Variants in NOVA2 observed in about 807,000 individuals in gnomAD.
The protein encoded by NOVA2 is NOVA alternative splicing regulator 2, also known as RNA-binding protein Nova-2.
Under a neutral mutation model 22.5 loss-of-function variants are expected in NOVA2, and 9 were observed. That is an observed-to-expected ratio of 0.40 (90% CI 0.24 to 0.70). NOVA2 has a LOEUF of 0.70. Among genes scored for constraint, NOVA2 ranks in the 30% least tolerant of loss-of-function variants. The pLI is 0.38. For missense variants in NOVA2, 383 were observed against 682.8 expected, an observed-to-expected ratio of 0.56 and a Z score of 4.89; for synonymous variants, 318 against 335.2, an observed-to-expected ratio of 0.95 and a Z score of 0.56.
rs924140758 is a variant in NOVA2 at position 45,935,863 on chromosome 19, G to A, written c.*4000C>T. 4.6e-5 allele frequency: 7 copies of A among 152,210 alleles called. No homozygotes were observed. Among genetic ancestry groups the A allele is most frequent in the African/African-American group, 1.7e-4 (7 of 41,440 alleles). 9.4% of individuals were successfully genotyped at this position (152,210 alleles called of 1,614,324 possible). On this transcript the variant is annotated 3_prime_UTR_variant, in exon 4 of 4. Coordinates refer to ENST00000263257, the MANE Select transcript of NOVA2 (RefSeq NM_002516.4). ...GAGGGGAGAGGAAATACACCTCGGA[G>A]ATAAGCGACACCCTGGTGTTCCAAG...
chr19:45,973,210 G>T, intron 1 of NOVA2, 57 bp downstream of exon 1: 1 of 992,444 alleles, frequency 1.0e-6, no homozygotes, highest in Non-Finnish European at 1.4e-6. Context: ...GGGAAAGGAT[G>T]GAGAAAGGCG....
At position 45,941,465 on chromosome 19, in the gene NOVA2, C is replaced by T. The variant is rs921505411; in HGVS notation, c.397-520G>A. On this transcript the variant is annotated intron_variant, in intron 3 of 3. Coordinates refer to ENST00000263257, the MANE Select transcript of NOVA2 (RefSeq NM_002516.4). ...TTACAGATTTGAGCCACCAAACTGGCGAAGGGAGGGTCTTTACGGTGGCTG... is the reference window on the plus strand; with the variant it reads ...TTACAGATTTGAGCCACCAAACTGGTGAAGGGAGGGTCTTTACGGTGGCTG... 5.9e-5 allele frequency among the ~76,000 whole-genome samples: 9 copies of T among 151,942 alleles called. No individual in the cohort carries two copies. In the South Asian group the frequency reaches 6.2e-4, roughly 11 times the overall value.
chr19:45,964,796 A>G (rs1396524823), intron 1 of NOVA2, among the ~76,000 whole-genome samples: 1 of 152,070 alleles, frequency 6.6e-6, no homozygotes, highest in Non-Finnish European at 1.5e-5. Context: ...CCTGAGCTCA[A>G]GGGATCCAAC....
Position 45,973,371 on chromosome 19 carries a change from G to T in NOVA2, c.-20C>A. 5 of 889,360 alleles carry T rather than the reference G, an allele frequency of 5.6e-6. No homozygotes were observed. Among genetic ancestry groups the T allele is most frequent in the Non-Finnish European group, 7.3e-6 (5 of 685,878 alleles). 55.1% of individuals were successfully genotyped at this position (889,360 alleles called of 1,614,324 possible). A position where few individuals can be genotyped will look rare whatever the true frequency, so the allele number is the denominator to read the frequency against. ...CTCCATGGGGGGGGCCTGGGGCGGC[G>T]GCTGCTGCTGCTGCGGCGGCTGCGG... On this transcript the variant is annotated 5_prime_UTR_variant, in exon 1 of 4. Transcript: ENST00000263257.
intron 2 of NOVA2, among the ~76,000 whole-genome samples, chr19:45,955,836 G>A (rs936902043): frequency 6.6e-5 from 10 of 151,784 alleles, no homozygotes; most frequent in African/African-American, 1.5e-4. Context: ...CCAGCCTGGC[G>A]GCAGAGCGGG....
chr19:45,953,657 TTGAC>T lies in NOVA2; in HGVS notation c.396+119_396+122del, dbSNP rs1467046655. On this transcript the variant is annotated intron_variant, in intron 3 of 3. Transcript: ENST00000263257. ...AATACTAACCACTACCATGTGGTCT[TTGAC>T]TGATGAGATTTTTATCAGCTTTGTC... 4.6e-5 allele frequency: 57 copies of T among 1,233,156 alleles called. No homozygotes were observed. The African/African-American group carries it at 4.8e-4, about 10-fold the overall frequency. 76.4% of individuals were successfully genotyped at this position (1,233,156 alleles called of 1,614,324 possible).
At position 45,958,374 on chromosome 19, in the gene NOVA2, A is replaced by T. The variant is rs200361478; in HGVS notation, c.229+2636T>A. On this transcript the variant is annotated intron_variant, in intron 2 of 3. Coordinates refer to ENST00000263257, the MANE Select transcript of NOVA2 (RefSeq NM_002516.4). Reference sequence around the variant, plus strand: ...AGTGCTGTGTGTGTGTGTGTGTGTGAGAGTGTGTGTGTGTGGGAGCATGTG... The same window carrying T: ...AGTGCTGTGTGTGTGTGTGTGTGTGTGAGTGTGTGTGTGTGGGAGCATGTG... Among the ~76,000 whole-genome samples the T allele has an allele frequency of 1.3e-3, 188 of 140,314 alleles. 1 individual carries two copies. The highest frequency in any genetic ancestry group is 0.012 in the East Asian group (59 of 4,750). 92.1% of individuals were successfully genotyped at this position (140,314 alleles called of 152,430 possible). A position where few individuals can be genotyped will look rare whatever the true frequency, so the allele number is the denominator to read the frequency against.
At chr19:45,966,772 G>A (rs1968173154) in intron 1 of NOVA2, among the ~76,000 whole-genome samples, 1 of 152,194 alleles carries the variant, frequency 6.6e-6, no homozygotes, top group African/African-American at 2.4e-5. Context: ...AGCTACTTGG[G>A]AGGCTGAAGC....
At position 45,940,358 on chromosome 19, in the gene NOVA2, T is replaced by C; in HGVS notation, c.984A>G (p.Ala328=). 1 of 1,378,528 alleles carries C rather than the reference T, an allele frequency of 7.3e-7. No homozygotes were observed. Among genetic ancestry groups the C allele is most frequent in the South Asian group, 1.4e-5 (1 of 69,522 alleles). 85.4% of individuals were successfully genotyped at this position (1,378,528 alleles called of 1,614,324 possible). A position where few individuals can be genotyped will look rare whatever the true frequency, so the allele number is the denominator to read the frequency against. Residue 328 remains alanine (A), a synonymous_variant, in exon 4 of 4, where the codon GCA becomes GCG. Transcript: ENST00000263257. ...PAAAAAANLL[A]SYAGEAGAGP... ...CGGCCCCGGCCTCGCCCGCGTAGGA[T>C]GCCAGGAGGTTGGCGGCGGCGGCGG...
In NOVA2 at chr19:45,939,638, A is replaced by C; in HGVS notation, c.*225T>G. ...AGCCAAGCACAGGGAGGGAGGAAGG[A>C]GGGGTCAGTTCCGGGCTGGGGAGGG... On this transcript the variant is annotated 3_prime_UTR_variant, in exon 4 of 4. Coordinates refer to ENST00000263257, the MANE Select transcript of NOVA2 (RefSeq NM_002516.4). The C allele has an allele frequency of 8.7e-6, 5 of 574,252 alleles. No individual in the cohort carries two copies. In the South Asian group the frequency reaches 1.1e-4, roughly 13 times the overall value. The allele number at this position is 574,252 out of a possible 1,614,324, so 35.6% of individuals were successfully genotyped here.
At chr19:45,942,825 G>C (rs1015215364) in intron 3 of NOVA2, among the ~76,000 whole-genome samples, 5 of 151,830 alleles carry the variant, frequency 3.3e-5, no homozygotes, top group African/African-American at 4.8e-5. Context: ...ATGTCCTTTT[G>C]CACCTCCGAG....
intron 3 of NOVA2, among the ~76,000 whole-genome samples, chr19:45,944,910 T>A (rs555918131): frequency 6.6e-6 from 1 of 152,286 alleles, no homozygotes; most frequent in Admixed American, 6.5e-5. Context: ...ATGTCCAGAA[T>A]AGGCAAATCT....
Position 45,940,266 on chromosome 19 carries a change from G to C in NOVA2, c.1076C>G (p.Ala359Gly). The C allele has an allele frequency of 9.1e-7, 1 of 1,099,110 alleles. No homozygotes were observed. The allele number at this position is 1,099,110 out of a possible 1,614,324, so 68.1% of individuals were successfully genotyped here. A position where few individuals can be genotyped will look rare whatever the true frequency, so the allele number is the denominator to read the frequency against. The stretch of plus-strand genomic sequence containing the variant: ...CCCGAGGTAGCCGTTGGCGGCTGCG[G>C]CCAACGCAAAGGACCCCAGGGCTCC... The part of the protein sequence containing the change: ...PPGALGSFAL[A>G]AAANGYLGAG... Residue 359 changes from alanine to glycine, a missense_variant, in exon 4 of 4, where the codon GCC (alanine) becomes GGC (glycine). By Grantham distance (60) the Ala-to-Gly change is moderately conservative. Around this residue, in one of 2 missense-constraint regions of NOVA2, gnomAD observed 349 missense variants for 578.1 expected, o/e 0.60. Transcript: ENST00000263257.
intron 3 of NOVA2, 77 bp downstream of exon 3, chr19:45,953,703 T>C: frequency 6.5e-7 from 1 of 1,528,332 alleles, no homozygotes; most frequent in Admixed American, 1.7e-5. Context: ...AACCTCACAG[T>C]AAGCAGTGAT....
rs137924850 is a variant in NOVA2 at position 45,935,305 on chromosome 19, T to G, written c.*4558A>C. On this transcript the variant is annotated 3_prime_UTR_variant, in exon 4 of 4. Transcript: ENST00000263257. ...CCACCCAGCAATCTCCAATGCAACT[T>G]GCAGGGGACACTAAGACAGACCATA... is the stretch of plus-strand genomic sequence containing the variant. 2.2e-4 allele frequency: 33 copies of G among 152,440 alleles called. No individual in the cohort carries two copies. The highest frequency in any genetic ancestry group is 6.5e-4 in the African/African-American group (27 of 41,482). The allele number at this position is 152,440 out of a possible 1,614,324, so 9.4% of individuals were successfully genotyped here.
rs531225235 is a variant in NOVA2 at position 45,958,551 on chromosome 19, G to C, written c.229+2459C>G. ...TGACAGTGTGTGTGACTGTGTGTAA[G>C]CGTGTGTGTGGGTGTGAGGGTGTGA... On this transcript the variant is annotated intron_variant, in intron 2 of 3. Transcript: ENST00000263257. Among the ~76,000 whole-genome samples, 73 of 151,296 alleles carry C rather than the reference G, an allele frequency of 4.8e-4. No individual in the cohort carries two copies. In the East Asian group the frequency reaches 0.012, roughly 25 times the overall value.
intron 2 of NOVA2, among the ~76,000 whole-genome samples, 196 bp from the exon 3 acceptor site, chr19:45,954,142 T>G (rs1176550845): frequency 6.6e-6 from 1 of 152,122 alleles, no homozygotes; most frequent in Non-Finnish European, 1.5e-5. Context: ...CCATCCTGTT[T>G]TATAATCTGC....
chr19:45,959,815 AGAGAGG>A (rs1445870422), intron 2 of NOVA2, among the ~76,000 whole-genome samples: 1 of 127,016 alleles, frequency 7.9e-6, no homozygotes, highest in Non-Finnish European at 1.9e-5. Context: ...AGAGAGAGAC[AGAGAGG>A]GAGAGAGAGA....
intron 2 of NOVA2, 30 bp from the exon 3 acceptor site, chr19:45,953,976 T>G (rs975402867): frequency 6.2e-7 from 1 of 1,610,918 alleles, no homozygotes; most frequent in Non-Finnish European, 8.5e-7. Flanking sequence ...GAGGGCACAC[T>G]CATGAGACAG....
Sources: allele counts gnomAD v4.1 joint callset (sites outside exome capture counted in the v4.1 genomes callset), GRCh38; gene constraint gnomAD v4.1.1; regional missense constraint gnomAD v4.1.1; transcripts MANE v1.5; gene names NCBI Gene and HGNC (gene_info 2026-07-23, HGNC 2026-07-21).